The following CCDC171 variants were observed in gnomAD, a reference collection of about 807,000 sequenced individuals.
The protein encoded by CCDC171 is coiled-coil domain containing 171.
In CCDC171, 177 loss-of-function variants were observed where a neutral mutation model predicts 168.2. The ratio of observed to expected loss-of-function variants is 1.05; its 90% CI spans 0.93 to 1.19. CCDC171 has a LOEUF of 1.19. Ranked by LOEUF, CCDC171 falls within the 50% of genes most tolerant of loss-of-function variation. The probability of loss-of-function intolerance (pLI) is 0.00; values close to 1 mark genes in which losing one functional copy is unlikely to be tolerated. For missense variants in CCDC171, 1,991 were observed against 1,539.0 expected (o/e 1.29, Z -4.91); for synonymous variants, 687 against 540.8 (o/e 1.27, Z -3.75).
At chr9:16,090,427 G>A in the CCDC171 span, among the ~76,000 whole-genome samples, 4 of 152,190 alleles carry the variant, frequency 2.6e-5, no homozygotes, top group South Asian at 6.2e-4. Flanking sequence ...GGGGTGGGGG[G>A]CTAGTGGAGG....
intron 25 of CCDC171, among the ~76,000 whole-genome samples, chr9:15,950,550 A>T (rs998627527): frequency 6.6e-6 from 1 of 152,100 alleles, no homozygotes; most frequent in African/African-American, 2.4e-5. Flanking sequence ...GAGAAATAAA[A>T]TCCTTAACAG....
chr9:15,764,982 G>T (rs949393432), intron 18 of CCDC171, among the ~76,000 whole-genome samples: 2 of 152,176 alleles, frequency 1.3e-5, no homozygotes, highest in African/African-American at 4.8e-5. Context: ...GGATTCTGAA[G>T]AATAGCCATT....
chr9:15,906,054 C>G (rs1464506026), intron 24 of CCDC171, among the ~76,000 whole-genome samples: 1 of 152,124 alleles, frequency 6.6e-6, no homozygotes, highest in Non-Finnish European at 1.5e-5. Flanking sequence ...CAAAAAAAAT[C>G]CAGGACCAGA....
At chr9:16,023,594 G>C (rs562732655) in intron 6 of CCDC171, among the ~76,000 whole-genome samples, 1 of 152,286 alleles carries the variant, frequency 6.6e-6, no homozygotes, top group African/African-American at 2.4e-5. Flanking sequence ...CAAGATGTTT[G>C]CATGAAGTCC....
chr9:15,644,072 C>G (rs2046844192), intron 7 of CCDC171, among the ~76,000 whole-genome samples: 1 of 152,062 alleles, frequency 6.6e-6, no homozygotes, highest in Admixed American at 6.6e-5. Flanking sequence ...TTTCATTTCT[C>G]TTGGGCAAAT....
At chr9:16,043,077 T>C (rs1393669328) in intron 1 of CCDC171, among the ~76,000 whole-genome samples, 2 of 152,074 alleles carry the variant, frequency 1.3e-5, no homozygotes, top group Admixed American at 1.3e-4. Context: ...CAGGAAAGTG[T>C]GATGAGCCCA....
intron 3 of CCDC171, among the ~76,000 whole-genome samples, chr9:16,019,569 A>T (rs1440272989): frequency 2.1e-5 from 3 of 141,242 alleles, no homozygotes; most frequent in Non-Finnish European, 4.7e-5. Context: ...GGTGAAAGAG[A>T]TTGAGAGGGA....
intron 25 of CCDC171, among the ~76,000 whole-genome samples, chr9:15,949,292 A>G (rs1828824487): frequency 6.6e-6 from 1 of 152,048 alleles, no homozygotes; most frequent in African/African-American, 2.4e-5. Context: ...CTTGGGATTG[A>G]CTTGGCGATT....
chr9:15,596,553 T>C (rs1332105064), intron 6 of CCDC171, among the ~76,000 whole-genome samples: 48 of 152,220 alleles, frequency 3.2e-4, no homozygotes, highest in African/African-American at 1.1e-3. Context: ...TGTAGCCTTG[T>C]AGTATAGTTT....
At chr9:15,902,973 C>A (rs981853610) in intron 24 of CCDC171, among the ~76,000 whole-genome samples, 1 of 152,198 alleles carries the variant, frequency 6.6e-6, no homozygotes, top group Non-Finnish European at 1.5e-5. Flanking sequence ...AAGGCGGCAG[C>A]GAGCTGGGGG....
At chr9:15,569,767 A>T (rs1273434726) in intron 2 of CCDC171, among the ~76,000 whole-genome samples, 3 of 151,664 alleles carry the variant, frequency 2.0e-5, no homozygotes, top group Admixed American at 2.0e-4. Flanking sequence ...GTGAGCCGAG[A>T]TCGTGCCACT....
chr9:16,057,438 TTTTTGTTTG>T (rs1398885461), intron 1 of CCDC171, among the ~76,000 whole-genome samples: 3 of 152,194 alleles, frequency 2.0e-5, no homozygotes. Flanking sequence ...AAGGAAGTTT[TTTTTGTTTG>T]TTTTGTTTTG....
At chr9:15,640,579 T>C (rs927155066) in intron 7 of CCDC171, among the ~76,000 whole-genome samples, 19 of 152,142 alleles carry the variant, frequency 1.2e-4, no homozygotes, top group Admixed American at 1.2e-3. Flanking sequence ...GTGACATTAA[T>C]GTAAATACAC....
chr9:15,997,253 G>A (rs1298281932), intron 3 of CCDC171, among the ~76,000 whole-genome samples: 1 of 152,138 alleles, frequency 6.6e-6, no homozygotes, highest in Non-Finnish European at 1.5e-5. Flanking sequence ...GAGCTCTAGA[G>A]CAAAGACTGC....
At chr9:15,826,112 GCT>G (rs2060000011) in intron 21 of CCDC171, among the ~76,000 whole-genome samples, 2 of 151,724 alleles carry the variant, frequency 1.3e-5, no homozygotes, top group South Asian at 4.2e-4. Flanking sequence ...GTATTGAAAT[GCT>G]TTTTATTGTA....
intron 6 of CCDC171, 37 bp from the exon 7 acceptor site, chr9:15,623,230 A>G (rs770751092): frequency 1.3e-6 from 2 of 1,513,686 alleles, no homozygotes; most frequent in Admixed American, 2.0e-5. Context: ...TTGATGGCTT[A>G]TAAACTTTAT....
chr9:15,699,719 C>T (rs1049446400), intron 11 of CCDC171, among the ~76,000 whole-genome samples: 1 of 152,110 alleles, frequency 6.6e-6, no homozygotes, highest in Non-Finnish European at 1.5e-5. Flanking sequence ...GTTTACAAAC[C>T]TTGAGCTAGA....
intron 24 of CCDC171, among the ~76,000 whole-genome samples, chr9:15,905,052 G>C (rs1399060499): frequency 6.6e-6 from 1 of 152,248 alleles, no homozygotes; most frequent in Non-Finnish European, 1.5e-5. Flanking sequence ...AAGAGACTTA[G>C]ACTCCCACAC....
intron 11 of CCDC171, 111 bp downstream of exon 11, chr9:15,695,448 T>C (rs1334326749): frequency 2.4e-6 from 2 of 817,236 alleles, no homozygotes; most frequent in Non-Finnish European, 4.2e-6. Context: ...ATGTTTTGAT[T>C]TGATGACATG....
Sources: gnomAD v4.1 joint callset for allele counts (sites outside exome capture counted in the v4.1 genomes callset) on GRCh38, gnomAD v4.1.1 for gene constraint, MANE v1.5 for transcripts, NCBI Gene and HGNC (gene_info 2026-07-23, HGNC 2026-07-21) for gene names.